Variants in DOP1B observed in about 807,000 individuals in gnomAD.
DOP1B encodes the protein DOP1 leucine zipper like protein B, also known as protein DOP1B.
A neutral mutation model predicts 233.5 loss-of-function variants in DOP1B; 174 were observed. That is an observed-to-expected ratio of 0.75 (90% confidence interval 0.66 to 0.85). The LOEUF is 0.85. Among genes scored for constraint, DOP1B ranks in the 40% least tolerant of loss-of-function variants. The pLI is 0.00. For missense variants in DOP1B, 2,652 were observed against 2,846.6 expected, an observed-to-expected ratio of 0.93 and a Z score of 1.56; for synonymous variants, 1,190 against 1,185.6, an observed-to-expected ratio of 1.00 and a Z score of -0.08.
At position 36,245,800 on chromosome 21, in the gene DOP1B, C is replaced by T. The variant is rs767975476; in HGVS notation, c.3820C>T (p.His1274Tyr). 2.7e-5 allele frequency: 44 copies of T among 1,613,900 alleles called. No homozygotes were observed. Among genetic ancestry groups the T allele is most frequent in the Non-Finnish European group, 3.7e-5 (44 of 1,180,016 alleles). Reference sequence around the variant, plus strand: ...TAGCATGGATACCAGCTCCACCGCGCACCTCAACCTCATCTCCAACCTCCT... The same window carrying T: ...TAGCATGGATACCAGCTCCACCGCGTACCTCAACCTCATCTCCAACCTCCT... ...RTSMDTSSTA[H>Y]LNLISNLLAR... The change falls in exon 19 of 37, where the codon CAC becomes TAC. Residue 1274 changes from histidine to tyrosine, a missense_variant. By Grantham distance (83) the His-to-Tyr change is moderately conservative. Coordinates refer to ENST00000691173, the MANE Select transcript of DOP1B (RefSeq NM_001320714.2). The surrounding 1 kb of genome is among the most constrained non-coding windows in gnomAD (Gnocchi z 5.5).
At position 36,239,892 on chromosome 21, in the gene DOP1B, C is replaced by G. The variant is rs1317837109; in HGVS notation, c.3004C>G (p.Leu1002Val). 1.2e-6 allele frequency: 2 copies of G among 1,608,020 alleles called. No individual in the cohort carries two copies. The highest frequency in any genetic ancestry group is 1.7e-6 in the Non-Finnish European group (2 of 1,178,632). Reference sequence around the variant, plus strand: ...TCGCATCCTCGAACCCGTGCTCCTGCTGCTGCTGCAGCCAAAAACCCAGAG... The same window carrying G: ...TCGCATCCTCGAACCCGTGCTCCTGGTGCTGCTGCAGCCAAAAACCCAGAG... ...VARILEPVLL[L>V]LLQPKTQRTS... The change falls in exon 18 of 37, where the codon CTG becomes GTG. Residue 1002 changes from leucine to valine, a missense_variant. This residue lies in a region of DOP1B where 2,617 missense variants were observed against 2,794.3 expected (regional missense o/e 0.94). Coordinates refer to ENST00000691173, the MANE Select transcript of DOP1B (RefSeq NM_001320714.2).
chr21:36,184,686 C>T (rs1216713426), intron 2 of DOP1B, among the ~76,000 whole-genome samples: 4 of 152,310 alleles, frequency 2.6e-5, no homozygotes, highest in South Asian at 2.1e-4. Context: ...CTCTGCGTTC[C>T]CCTCCTTGGT....
chr21:36,187,207 T>TCCCC (rs1569008079), intron 2 of DOP1B, among the ~76,000 whole-genome samples: 4 of 139,838 alleles, frequency 2.9e-5, no homozygotes, highest in East Asian at 2.4e-4. Context: ...CTCCCCTCCC[T>TCCCC]TCCCCTCCTC....
In DOP1B at chr21:36,292,167, G is replaced by A; in HGVS notation, c.6579G>A (p.Glu2193=). 6.2e-7 allele frequency: 1 copy of A among 1,612,578 alleles called. No individual in the cohort carries two copies. The highest frequency in any genetic ancestry group is 1.1e-5 in the South Asian group (1 of 90,792). Residue 2193 remains glutamate, a synonymous_variant, in exon 36 of 37, where the codon GAG becomes GAA. Transcript: ENST00000691173. ...TEGPAFLSDV[E]ENHQECKPHT... Reference sequence around the variant, plus strand: ...GCCCTGCCTTCCTGTCGGATGTAGAGGAGAATCACCAAGAATGCAAACCCC... The same window carrying A: ...GCCCTGCCTTCCTGTCGGATGTAGAAGAGAATCACCAAGAATGCAAACCCC...
intron 2 of DOP1B, among the ~76,000 whole-genome samples, chr21:36,167,361 G>C (rs1311931124): frequency 2.6e-5 from 4 of 152,036 alleles, no homozygotes; most frequent in Non-Finnish European, 5.9e-5. Context: ...TTGTAGTAGA[G>C]ATGGGGTTTC....
Position 36,261,480 on chromosome 21 carries a change from T to G in DOP1B, c.5315+748T>G, listed in dbSNP as rs1250453238. ...TGATTTGCTAAGTTAATATATGTAT[T>G]AGGTGTCTCAGCTAAGAGAGCATTA... On this transcript the variant is annotated intron_variant, in intron 24 of 36. Transcript: ENST00000691173. 5.1e-6 allele frequency: 5 copies of G among 985,430 alleles called. No homozygotes were observed. In the East Asian group the frequency reaches 5.7e-4, roughly 111 times the overall value. 61.0% of individuals were successfully genotyped at this position (985,430 alleles called of 1,614,324 possible).
At chr21:36,274,443 G>A (rs1057058927) in intron 27 of DOP1B, among the ~76,000 whole-genome samples, 5 of 152,160 alleles carry the variant, frequency 3.3e-5, no homozygotes, top group South Asian at 2.1e-4. Flanking sequence ...AAAACATTTC[G>A]TAGAGAAAAA....
rs577522762 is a variant in DOP1B at position 36,227,528 on chromosome 21, C to G, written c.1474-158C>G. Among the ~76,000 whole-genome samples the G allele has an allele frequency of 2.7e-5, 4 of 147,464 alleles. No homozygotes were observed. In the Admixed American group the frequency reaches 2.7e-4, roughly 10 times the overall value. The stretch of plus-strand genomic sequence containing the variant: ...CGACACTGCACTCCAGCCTGGGCTA[C>G]AGAGCAAGACTCTGTCAAAAAAAAA... On this transcript the variant is annotated intron_variant, in intron 12 of 36. Transcript: ENST00000691173.
In DOP1B at chr21:36,245,380, G is replaced by A. The variant is rs573603717; in HGVS notation, c.3400G>A (p.Asp1134Asn). Residue 1134 changes from aspartate to asparagine, a missense_variant, in exon 19 of 37, where the codon GAC (aspartate) becomes AAC (asparagine). Physicochemically the swap from Asp to Asn is conservative, Grantham distance 23 (BLOSUM62 1). Around this residue, in one of 3 missense-constraint regions of DOP1B, gnomAD observed 2,617 missense variants for 2,794.3 expected, o/e 0.94. Coordinates refer to ENST00000691173, the MANE Select transcript of DOP1B (RefSeq NM_001320714.2). This position sits in a 1 kb window ranked among gnomAD's most constrained non-coding sequence, Gnocchi z 5.5. ...NTSSFSSPSH[D>N]LQELSNEENC... ...GTCCTCCTTCTCCTCCCCTTCCCAC[G>A]ACCTGCAGGAGCTGAGCAACGAAGA... 4 of 1,614,058 alleles carry A rather than the reference G, an allele frequency of 2.5e-6. No individual in the cohort carries two copies. The highest frequency in any genetic ancestry group is 2.2e-5 in the East Asian group (1 of 44,876).
chr21:36,245,912 T>G lies in DOP1B; in HGVS notation c.3932T>G (p.Leu1311Arg). 1 of 1,613,666 alleles carries G rather than the reference T, an allele frequency of 6.2e-7. No individual in the cohort carries two copies. Among genetic ancestry groups the G allele is most frequent in the Non-Finnish European group, 8.5e-7 (1 of 1,179,972 alleles). Residue 1311 changes from leucine to arginine, a missense_variant, in exon 19 of 37, where the codon CTC becomes CGC. Physicochemically the swap from Leu to Arg is moderately radical, Grantham distance 102 (BLOSUM62 -2). Around this residue, in one of 3 missense-constraint regions of DOP1B, gnomAD observed 2,617 missense variants for 2,794.3 expected, o/e 0.94. Transcript: ENST00000691173. This position sits in a 1 kb window ranked among gnomAD's most constrained non-coding sequence, Gnocchi z 5.5. Reference protein sequence around the residue: ...QVPNVCPHSLLLELLTYLCLS... With the variant: ...QVPNVCPHSLRLELLTYLCLS... ...CCCAACGTGTGCCCCCACTCTCTGC[T>G]CCTGGAGCTGCTCACCTACCTCTGC...
At chr21:36,187,659 T>C (rs551628033) in intron 2 of DOP1B, among the ~76,000 whole-genome samples, 19 of 152,064 alleles carry the variant, frequency 1.2e-4, no homozygotes, top group Non-Finnish European at 2.2e-4. Context: ...CAGGCTGGAG[T>C]GCAGAGGTGC....
chr21:36,275,808 C>T (rs1056469441), intron 27 of DOP1B, among the ~76,000 whole-genome samples: 8 of 152,024 alleles, frequency 5.3e-5, no homozygotes, highest in Admixed American at 4.6e-4. Context: ...TGGGTGTACC[C>T]AGCAGTGCAT....
chr21:36,253,914 G>A lies in DOP1B; in HGVS notation c.5259+5G>A, dbSNP rs1323673805. 2.5e-6 allele frequency: 4 copies of A among 1,612,916 alleles called. No individual in the cohort carries two copies. In the Admixed American group the frequency reaches 6.7e-5, roughly 27 times the overall value. Reference sequence around the variant, plus strand: ...CAAGTCAAAGGGGGTGATGAGGTGAGGAGCCTGGGGAAGCCTCTGGGCTTC... The same window carrying A: ...CAAGTCAAAGGGGGTGATGAGGTGAAGAGCCTGGGGAAGCCTCTGGGCTTC... On this transcript the variant is annotated splice_donor_5th_base_variant and intron_variant, in intron 23 of 36. Coordinates refer to ENST00000691173, the MANE Select transcript of DOP1B (RefSeq NM_001320714.2).
At chr21:36,176,250 A>G (rs2066028827) in intron 2 of DOP1B, among the ~76,000 whole-genome samples, 1 of 152,036 alleles carries the variant, frequency 6.6e-6, no homozygotes, top group Non-Finnish European at 1.5e-5. Context: ...GGGGTATCCT[A>G]CATGTCTGCT....
At chr21:36,193,381 C>T (rs2066255608) in intron 2 of DOP1B, among the ~76,000 whole-genome samples, 1 of 152,116 alleles carries the variant, frequency 6.6e-6, no homozygotes, top group Admixed American at 6.6e-5. Flanking sequence ...GGGAATTTAG[C>T]AAGGCCTGTT....
Position 36,252,546 on chromosome 21 carries a change from TTC to T in DOP1B, c.5122-1224_5122-1223del, listed in dbSNP as rs1255029724. ...TCATATTTCTATGCCCAAAGATAAT[TTC>T]TTTTTTTTTTTTTCTATTGAGACAG... On this transcript the variant is annotated intron_variant, in intron 22 of 36. Transcript: ENST00000691173. Among the ~76,000 whole-genome samples the T allele has an allele frequency of 7.1e-3, 1,072 of 151,896 alleles. 14 individuals carry two copies. The highest frequency in any genetic ancestry group is 0.025 in the African/African-American group (1,037 of 41,370).
rs2067584474 is a variant in DOP1B at position 36,293,676 on chromosome 21, A to G, written c.*105A>G. ...CAGGATAGTGCTTTTGAACAAGCCTATTTCCATTTTGAAAGTAGATTTCAG... is the reference window on the plus strand; with the variant it reads ...CAGGATAGTGCTTTTGAACAAGCCTGTTTCCATTTTGAAAGTAGATTTCAG... On this transcript the variant is annotated 3_prime_UTR_variant, in exon 37 of 37. Coordinates refer to ENST00000691173, the MANE Select transcript of DOP1B (RefSeq NM_001320714.2). 1 of 1,311,142 alleles carries G rather than the reference A, an allele frequency of 7.6e-7. No homozygotes were observed. Among genetic ancestry groups the G allele is most frequent in the Non-Finnish European group, 1.1e-6 (1 of 942,386 alleles). The allele number at this position is 1,311,142 out of a possible 1,614,324, so 81.2% of individuals were successfully genotyped here.
chr21:36,230,524 G>A lies in DOP1B; in HGVS notation c.1740G>A (p.Ser580=), dbSNP rs200401033. Residue 580 remains serine, a synonymous_variant, in exon 14 of 37, where the codon TCG becomes TCA. Coordinates refer to ENST00000691173, the MANE Select transcript of DOP1B (RefSeq NM_001320714.2). ...TGATTCCCGGTGACGAAGATGCTTC[G>A]TTTCCCCCTCTGAAGTCTGAGGACA... ...KAVIPGDEDA[S]FPPLKSEDSG... is the part of the protein sequence containing the mutation. 73 of 1,613,836 alleles carry A rather than the reference G, an allele frequency of 4.5e-5. No homozygotes were observed. Among genetic ancestry groups the A allele is most frequent in the South Asian group, 9.9e-5 (9 of 91,080 alleles).
intron 25 of DOP1B, 35 bp from the exon 26 acceptor site, chr21:36,263,713 G>A (rs1041073145): frequency 1.9e-6 from 3 of 1,613,704 alleles, no homozygotes; most frequent in Non-Finnish European, 2.5e-6. Context: ...TATTTCTGCA[G>A]CATTTTTAAT....
Sources: allele counts gnomAD v4.1 joint callset (sites outside exome capture counted in the v4.1 genomes callset), GRCh38; gene constraint gnomAD v4.1.1; regional missense constraint gnomAD v4.1.1; non-coding constraint Gnocchi (gnomAD v3.1); transcripts MANE v1.5; gene names NCBI Gene and HGNC (gene_info 2026-07-23, HGNC 2026-07-21).